PCDHA11: variants seen among roughly 807,000 people sequenced by gnomAD.
PCDHA11 encodes the protein protocadherin alpha 11.
PCDHA11 carries 61 observed loss-of-function variants against 70.3 expected under a neutral mutation model. That is an observed-to-expected ratio of 0.87 (90% CI 0.71 to 1.07). The LOEUF (loss-of-function observed/expected upper bound fraction) is 1.07, where lower values mean the gene tolerates loss of function less well. Ranked by LOEUF, PCDHA11 falls within the 50% of genes least tolerant of loss-of-function variation. The pLI, the probability that PCDHA11 is intolerant of heterozygous loss-of-function variation, is 0.00. For synonymous variants in PCDHA11, 633 were observed against 555.1 expected (o/e 1.14, Z -1.97); for missense variants, 1,324 against 1,237.5 (o/e 1.07, Z -1.05).
intron 1 of PCDHA11, among the ~76,000 whole-genome samples, chr5:140,962,147 T>C (rs2095660496): frequency 1.3e-5 from 2 of 152,176 alleles, no homozygotes; most frequent in South Asian, 4.1e-4. Context: ...AGTGCTGGGA[T>C]TACAGGCGTG....
chr5:140,934,741 T>TATG (rs2090025323), intron 1 of PCDHA11, among the ~76,000 whole-genome samples: 1 of 152,144 alleles, frequency 6.6e-6, no homozygotes, highest in Non-Finnish European at 1.5e-5. Flanking sequence ...TAGGTGTCAT[T>TATG]ATGAACTCAT....
In PCDHA11 at chr5:141,010,147, C is replaced by T. The variant is rs895381983; in HGVS notation, c.*210C>T. ...AAGTCTGGTGTTAACTCTTTCTCTC[C>T]ACTCTGGCTTGTTTTCAGAACCTAA... On this transcript the variant is annotated 3_prime_UTR_variant, in exon 4 of 4. Coordinates refer to ENST00000398640, the MANE Select transcript of PCDHA11 (RefSeq NM_018902.5). 3.2e-6 allele frequency: 5 copies of T among 1,583,190 alleles called. No homozygotes were observed. The highest frequency in any genetic ancestry group is 4.3e-6 in the Non-Finnish European group (5 of 1,163,606).
rs782420685 is a variant in PCDHA11, at chr5:140,978,941, T to G, written c.2392-8T>G. 1 of 1,614,158 alleles carries G rather than the reference T, an allele frequency of 6.2e-7. No homozygotes were observed. The highest frequency in any genetic ancestry group is 2.2e-5 in the East Asian group (1 of 44,880). On this transcript the variant is annotated splice_region_variant and splice_polypyrimidine_tract_variant and intron_variant, in intron 1 of 3. Transcript: ENST00000398640. ...TTTTAACAGAAAACTCTCTTTGTGA[T>G]TTTGCAGCCACGACAGCCCAACCCT...
At chr5:140,994,197 G>A (rs1449482897) in intron 3 of PCDHA11, among the ~76,000 whole-genome samples, 1 of 152,196 alleles carries the variant, frequency 6.6e-6, no homozygotes. Context: ...GGGCCTGTTG[G>A]TCCAGAATGG....
intron 1 of PCDHA11, among the ~76,000 whole-genome samples, chr5:140,972,991 T>C (rs142551667): frequency 6.6e-6 from 1 of 152,222 alleles, no homozygotes; most frequent in Non-Finnish European, 1.5e-5. Context: ...GTAGATTCTG[T>C]GCATTTGTGG....
chr5:140,871,999 T>C (rs116431688), intron 1 of PCDHA11, among the ~76,000 whole-genome samples: 316 of 152,330 alleles, frequency 2.1e-3, no homozygotes, highest in African/African-American at 7.4e-3. Flanking sequence ...CAGTGGCTAT[T>C]TACAGGTGAC....
intron 1 of PCDHA11, among the ~76,000 whole-genome samples, chr5:140,962,643 T>G (rs1456773642): frequency 6.6e-6 from 1 of 152,222 alleles, no homozygotes; most frequent in Non-Finnish European, 1.5e-5. Context: ...GCCATCAAGT[T>G]ATGTGAAAAC....
rs1308888029 is a variant in PCDHA11 at position 141,011,344 on chromosome 5, A to G, written c.*1407A>G. Reference sequence around the variant, plus strand: ...ACACCTATGATGTTACCTGAAATCAATCTCCCATATGTATGCTGTATGCTA... The same window carrying G: ...ACACCTATGATGTTACCTGAAATCAGTCTCCCATATGTATGCTGTATGCTA... On this transcript the variant is annotated 3_prime_UTR_variant, in exon 4 of 4. Coordinates refer to ENST00000398640, the MANE Select transcript of PCDHA11 (RefSeq NM_018902.5). 3 of 153,730 alleles carry G rather than the reference A, an allele frequency of 2.0e-5. No homozygotes were observed. The highest frequency in any genetic ancestry group is 2.9e-5 in the Non-Finnish European group (2 of 68,040). The allele number at this position is 153,730 out of a possible 1,614,324, so 9.5% of individuals were successfully genotyped here.
In PCDHA11 at chr5:140,883,991, G is replaced by A. The variant is rs1475054823; in HGVS notation, c.2391+12497G>A. ...GACGCCCGGGGCTGGCAGCGCGGGA[G>A]GCACAGTGAGCGAGCTGATGCCGCG... On this transcript the variant is annotated intron_variant, in intron 1 of 3. Transcript: ENST00000398640. 2 of 1,612,972 alleles carry A rather than the reference G, an allele frequency of 1.2e-6. No individual in the cohort carries two copies. The highest frequency in any genetic ancestry group is 2.2e-5 in the East Asian group (1 of 44,862).
chr5:140,870,549 C>G lies in PCDHA11; in HGVS notation c.1446C>G (p.Asp482Glu). The stretch of plus-strand genomic sequence containing the variant: ...TCACAGTGTCGGCGCGGGACGCGGA[C>G]GCGCAGGAGAACGCGCTGGTGTCCT... Reference protein sequence around the residue: ...HIFTVSARDADAQENALVSYS... With the variant: ...HIFTVSARDAEAQENALVSYS... Residue 482 changes from aspartate to glutamate, a missense_variant, in exon 1 of 4, where the codon GAC (aspartate) becomes GAG (glutamate). Transcript: ENST00000398640. The G allele has an allele frequency of 6.2e-7, 1 of 1,614,064 alleles. No individual in the cohort carries two copies. Among genetic ancestry groups the G allele is most frequent in the Middle Eastern group, 1.7e-4 (1 of 6,056 alleles).
chr5:140,876,154 A>G, intron 1 of PCDHA11: 1 of 1,613,972 alleles, frequency 6.2e-7, no homozygotes, highest in Non-Finnish European at 8.5e-7. Context: ...GTCTGTCCAG[A>G]TTCAAATAAC....
intron 1 of PCDHA11, among the ~76,000 whole-genome samples, chr5:140,915,919 AC>A (rs1449299766): frequency 6.6e-6 from 1 of 152,102 alleles, no homozygotes; most frequent in Non-Finnish European, 1.5e-5. Flanking sequence ...CAGAGATGCT[AC>A]TTGGGAGTCA....
At chr5:140,940,731 G>T (rs1195223562) in intron 1 of PCDHA11, among the ~76,000 whole-genome samples, 2 of 152,162 alleles carry the variant, frequency 1.3e-5, no homozygotes, top group Admixed American at 1.3e-4. Flanking sequence ...CAGCTGGACA[G>T]CTCCATATTT....
chr5:140,883,092 G>C (rs782675726), intron 1 of PCDHA11: 2 of 1,614,108 alleles, frequency 1.2e-6, no homozygotes, highest in Non-Finnish European at 1.7e-6. Flanking sequence ...GGTACAAATG[G>C]AGATATAGTT....
At chr5:140,895,351 T>C (rs1367078085) in intron 1 of PCDHA11, among the ~76,000 whole-genome samples, 2 of 152,180 alleles carry the variant, frequency 1.3e-5, no homozygotes, top group Admixed American at 1.3e-4. Context: ...TGCTTTCCAG[T>C]GAGTACTTAT....
intron 1 of PCDHA11, among the ~76,000 whole-genome samples, chr5:140,917,244 C>T (rs891511496): frequency 1.9e-4 from 29 of 149,864 alleles, no homozygotes; most frequent in Non-Finnish European, 3.0e-4. Flanking sequence ...CTAGGTACTA[C>T]GATTGCTCAC....
chr5:140,879,805 A>G (rs992856039), intron 1 of PCDHA11, among the ~76,000 whole-genome samples: 1 of 152,128 alleles, frequency 6.6e-6, no homozygotes, highest in Non-Finnish European at 1.5e-5. Flanking sequence ...TCCAGTTTCT[A>G]TTGGCTGTTG....
chr5:140,877,195 G>A, intron 1 of PCDHA11: 2 of 1,613,838 alleles, frequency 1.2e-6, no homozygotes, highest in East Asian at 2.2e-5. Context: ...CAGCGCAGGA[G>A]GCGCAGTTAG....
chr5:140,872,356 G>C (rs2053615726), intron 1 of PCDHA11, among the ~76,000 whole-genome samples: 1 of 152,160 alleles, frequency 6.6e-6, no homozygotes, highest in African/African-American at 2.4e-5. Flanking sequence ...GCCAGGCAAA[G>C]TGGTTCAGGC....
Sources: allele counts gnomAD v4.1 joint callset (sites outside exome capture counted in the v4.1 genomes callset), GRCh38; gene constraint gnomAD v4.1.1; transcripts MANE v1.5; gene names NCBI Gene and HGNC (gene_info 2026-07-23, HGNC 2026-07-21).